The following SYCE1L variants were observed in gnomAD, a reference collection of about 807,000 sequenced individuals.
SYCE1L encodes the protein synaptonemal complex central element protein 1-like.
A neutral mutation model predicts 39.6 loss-of-function variants in SYCE1L; 51 were observed. That is an observed-to-expected ratio of 1.29 (90% confidence interval 1.03 to 1.63). SYCE1L has a LOEUF of 1.63. SYCE1L is among the 40% of genes most tolerant of loss of function. The probability of loss-of-function intolerance (pLI) is 0.00; values close to 1 mark genes in which losing one functional copy is unlikely to be tolerated. For missense variants in SYCE1L, 426 were observed against 304.9 expected (o/e 1.40, Z -2.96); for synonymous variants, 147 against 122.4 (o/e 1.20, Z -1.33).
intron 1 of SYCE1L, chr16:77,201,976 C>G (rs933780900): frequency 6.6e-6 from 1 of 152,034 alleles, no homozygotes; most frequent in Non-Finnish European, 1.5e-5. Flanking sequence ...TGATAAAGGC[C>G]TAAGTGATAA....
intron 7 of SYCE1L, among the ~76,000 whole-genome samples, chr16:77,211,576 G>C (rs1409731520): frequency 2.0e-5 from 3 of 152,174 alleles, no homozygotes; most frequent in Non-Finnish European, 4.4e-5. Context: ...GCAGCCCAGG[G>C]AAAGCCATGG....
rs945236028 is a variant in SYCE1L at position 77,212,657 on chromosome 16, C to G, written c.654+11C>G. ...GCCGGCGAGGGAGAGGTAGGGAGCC[C>G]GAGGAAGGGAGGCGGGGCGGGCAGG... On this transcript the variant is annotated intron_variant, in intron 10 of 10. Transcript: ENST00000378644. 2 of 1,529,086 alleles carry G rather than the reference C, an allele frequency of 1.3e-6. No individual in the cohort carries two copies. Among genetic ancestry groups the G allele is most frequent in the Non-Finnish European group, 8.7e-7 (1 of 1,143,630 alleles). 94.7% of individuals were successfully genotyped at this position (1,529,086 alleles called of 1,614,324 possible).
chr16:77,203,232 G>A (rs961369067), intron 1 of SYCE1L, among the ~76,000 whole-genome samples: 2 of 152,184 alleles, frequency 1.3e-5, no homozygotes, highest in Non-Finnish European at 2.9e-5. Flanking sequence ...CCGAACTGCT[G>A]GCAGTGGTTA....
At chr16:77,205,043 TC>T (rs1354634484) in intron 1 of SYCE1L, among the ~76,000 whole-genome samples, 708 of 45,324 alleles carry the variant, frequency 0.016, 5 homozygotes, top group African/African-American at 0.03. Context: ...AGACTCCATC[TC>T]AAAAAAAAAA....
chr16:77,207,952 T>C (rs1327241014), intron 2 of SYCE1L, among the ~76,000 whole-genome samples: 1 of 152,176 alleles, frequency 6.6e-6, no homozygotes, highest in African/African-American at 2.4e-5. Context: ...ACCCTTTTGC[T>C]CTTCAACACT....
chr16:77,209,159 C>T lies in SYCE1L; in HGVS notation c.304+15C>T, dbSNP rs1330619874. The T allele has an allele frequency of 3.2e-6, 5 of 1,551,316 alleles. No homozygotes were observed. The African/African-American group carries it at 6.8e-5, about 21-fold the overall frequency. ...CAAAAAGCAAGGTATTTACCAGTTG[C>T]TGTGTCTTCCTTATTCTACTCTTCC... On this transcript the variant is annotated intron_variant, in intron 5 of 10. Coordinates refer to ENST00000378644, the MANE Select transcript of SYCE1L (RefSeq NM_001129979.3).
At chr16:77,203,818 C>G (rs7196424) in intron 1 of SYCE1L, among the ~76,000 whole-genome samples, 63,176 of 151,704 alleles carry the variant, frequency 0.42, 14,650 homozygotes, top group Non-Finnish European at 0.53. Context: ...TGGTCTCGAA[C>G]TCCTGACCTC....
intron 1 of SYCE1L, chr16:77,201,653 G>A (rs2054744381): frequency 6.6e-6 from 1 of 152,088 alleles, no homozygotes; most frequent in Non-Finnish European, 1.5e-5. Context: ...ATGGTCACTG[G>A]AGTGTTGATG....
chr16:77,210,014 A>G (rs943254625), intron 6 of SYCE1L, among the ~76,000 whole-genome samples: 1 of 152,068 alleles, frequency 6.6e-6, no homozygotes, highest in African/African-American at 2.4e-5. Flanking sequence ...CCAGACATCT[A>G]CCCTTCCTTT....
rs2054796173 is a variant in SYCE1L at position 77,207,854 on chromosome 16, C to T, written c.122-356C>T. On this transcript the variant is annotated intron_variant, in intron 2 of 10. Coordinates refer to ENST00000378644, the MANE Select transcript of SYCE1L (RefSeq NM_001129979.3). The stretch of plus-strand genomic sequence containing the variant: ...TTGCACTCTGCCTGGAATGGGTCCC[C>T]CCTCCATACTCTTTACCCCCACAGA... Among the ~76,000 whole-genome samples the T allele has an allele frequency of 2.0e-5, 3 of 152,198 alleles. No homozygotes were observed. The South Asian group carries it at 6.2e-4, about 32-fold the overall frequency.
At chr16:77,211,350 C>A (rs1210528276) in intron 7 of SYCE1L, 74 bp downstream of exon 7, 1 of 1,507,052 alleles carries the variant, frequency 6.6e-7, no homozygotes, top group Non-Finnish European at 9.0e-7. Flanking sequence ...GGCCCAGAGT[C>A]CACCCCTGCC....
chr16:77,212,244 G>C, intron 8 of SYCE1L, 38 bp from the exon 9 acceptor site: 4 of 1,537,450 alleles, frequency 2.6e-6, no homozygotes, highest in Non-Finnish European at 3.5e-6. Context: ...GGATGTGCCC[G>C]GGCCTCGGCC....
chr16:77,200,291 T>TATATACATATACAC, intron 1 of SYCE1L: 1 of 111,428 alleles, frequency 9.0e-6, no homozygotes, highest in East Asian at 2.2e-4. Context: ...TATATATATA[T>TATATACATATACAC]ACACACACTA....
Position 77,199,417 on chromosome 16 carries a change from C to T in SYCE1L, c.-35C>T. ...CGTGGTTTCTTTTTTAACCAGTCAT[C>T]AAGCGAGGCTCGCGCGCAGGCCCCG... is the stretch of plus-strand genomic sequence containing the variant. On this transcript the variant is annotated 5_prime_UTR_variant, in exon 1 of 11. Coordinates refer to ENST00000378644, the MANE Select transcript of SYCE1L (RefSeq NM_001129979.3). The T allele has an allele frequency of 5.2e-6, 8 of 1,549,314 alleles. No individual in the cohort carries two copies. The highest frequency in any genetic ancestry group is 1.4e-5 in the African/African-American group (1 of 73,046).
chr16:77,205,524 T>G (rs951053502), intron 1 of SYCE1L, among the ~76,000 whole-genome samples: 4 of 150,854 alleles, frequency 2.7e-5, no homozygotes, highest in African/African-American at 9.7e-5. Context: ...TTTAGTTGAT[T>G]GATATATGCC....
chr16:77,200,291 T>TATATATATATATATATGTATATATAC, intron 1 of SYCE1L: 1 of 111,430 alleles, frequency 9.0e-6, no homozygotes, highest in Non-Finnish European at 1.9e-5. Flanking sequence ...TATATATATA[T>TATATATATATATATATGTATATATAC]ACACACACTA....
rs1386377985 is a variant in SYCE1L, at chr16:77,208,346, C to G, written c.181+77C>G. ...ATTTATAATGAATCCACCTCCTCAT[C>G]TATAAAATCTAGGCCCCTCTAGGGT... On this transcript the variant is annotated intron_variant, in intron 3 of 10. Coordinates refer to ENST00000378644, the MANE Select transcript of SYCE1L (RefSeq NM_001129979.3). The G allele has an allele frequency of 5.2e-6, 8 of 1,539,082 alleles. No homozygotes were observed. In the African/African-American group the frequency reaches 9.7e-5, roughly 19 times the overall value.
In SYCE1L at chr16:77,213,041, AGCGGG is replaced by A. The variant is rs2054838029; in HGVS notation, c.*119_*123del. On this transcript the variant is annotated 3_prime_UTR_variant, in exon 11 of 11. Coordinates refer to ENST00000378644, the MANE Select transcript of SYCE1L (RefSeq NM_001129979.3). ...CCGCGGAGTCTGTGCTACACCGTGG[AGCGGG>A]GCGGGGCGTGCTGGGATCTCGAGGC... 7 of 1,142,318 alleles carry A rather than the reference AGCGGG, an allele frequency of 6.1e-6. No homozygotes were observed. Among genetic ancestry groups the A allele is most frequent in the Non-Finnish European group, 7.9e-6 (7 of 882,790 alleles). The allele number at this position is 1,142,318 out of a possible 1,614,324, so 70.8% of individuals were successfully genotyped here.
chr16:77,203,410 G>A (rs1004758794), intron 1 of SYCE1L, among the ~76,000 whole-genome samples: 8 of 112,360 alleles, frequency 7.1e-5, no homozygotes, highest in African/African-American at 2.1e-4. Flanking sequence ...AATTTATAAA[G>A]GATTTCAGGC....
Sources: gnomAD v4.1 joint callset for allele counts (sites outside exome capture counted in the v4.1 genomes callset) on GRCh38, gnomAD v4.1.1 for gene constraint, MANE v1.5 for transcripts, NCBI Gene and HGNC (gene_info 2026-07-23, HGNC 2026-07-21) for gene names.